The following LAMA5 variants were observed in gnomAD, a reference collection of about 807,000 sequenced individuals.
LAMA5 encodes laminin subunit alpha-5.
A neutral mutation model predicts 433.4 loss-of-function variants in LAMA5; 260 were observed. The ratio of observed to expected loss-of-function variants is 0.60; its 90% CI spans 0.54 to 0.66. LAMA5 has a LOEUF of 0.66. Ranked by LOEUF, LAMA5 falls within the 30% of genes least tolerant of loss-of-function variation. The pLI, the probability that LAMA5 is intolerant of heterozygous loss-of-function variation, is 0.00. For missense variants in LAMA5, 5,378 were observed against 5,258.5 expected, an observed-to-expected ratio of 1.02 and a Z score of -0.70; for synonymous variants, 2,620 against 2,226.6, an observed-to-expected ratio of 1.18 and a Z score of -4.97.
chr20:62,337,712 G>A lies in LAMA5; in HGVS notation c.2042C>T (p.Ala681Val). ...ACAGGCTGCGTGCAGGGAGCCTTCA[G>A]CAGAGCAGTGGCAGGCTGCAGACAA... ...FPSCVPCHCS[A>V]EGSLHAACDP... is the part of the protein sequence containing the mutation. The change falls in exon 16 of 80, where the codon GCT becomes GTT. Residue 681 changes from alanine to valine, a missense_variant. Transcript: ENST00000252999. 1 of 1,610,216 alleles carries A rather than the reference G, an allele frequency of 6.2e-7. No homozygotes were observed. Among genetic ancestry groups the A allele is most frequent in the South Asian group, 1.1e-5 (1 of 90,794 alleles).
intron 51 of LAMA5, 25 bp downstream of exon 51, chr20:62,319,659 T>G: frequency 1.3e-6 from 2 of 1,503,660 alleles, no homozygotes; most frequent in East Asian, 4.9e-5. Flanking sequence ...CTCTGAGCCC[T>G]GAGCCTGGCT....
At position 62,333,174 on chromosome 20, in the gene LAMA5, G is replaced by A; in HGVS notation, c.3198C>T (p.Arg1066=). 2 of 1,519,380 alleles carry A rather than the reference G, an allele frequency of 1.3e-6. No homozygotes were observed. The highest frequency in any genetic ancestry group is 1.8e-6 in the Non-Finnish European group (2 of 1,134,794). 94.1% of individuals were successfully genotyped at this position (1,519,380 alleles called of 1,614,324 possible). A position where few individuals can be genotyped will look rare whatever the true frequency, so the allele number is the denominator to read the frequency against. ...AGGGCCGGGGCAGGCTGTTGTCCTG[G>A]CGACACAGGGCCTCCAGCCCGGCGG... ...PSAAGLEALC[R]QDNSLPRPCP... is the part of the protein sequence containing the mutation. The change falls in exon 26 of 80, where the codon CGC becomes CGT. Residue 1066 remains arginine, a synonymous_variant. Transcript: ENST00000252999.
At chr20:62,335,150 A>G (rs201389739) in intron 19 of LAMA5, 24 bp from the exon 20 acceptor site, 1 of 1,612,516 alleles carries the variant, frequency 6.2e-7, no homozygotes, top group Non-Finnish European at 8.5e-7. Context: ...GAGGAGGTGA[A>G]GTGGGGCAGG....
chr20:62,364,903 C>A (rs1260139100), intron 1 of LAMA5, among the ~76,000 whole-genome samples: 1 of 152,278 alleles, frequency 6.6e-6, no homozygotes, highest in Non-Finnish European at 1.5e-5. Flanking sequence ...TCAGATGGAG[C>A]TGCGGCTTCA....
In LAMA5 at chr20:62,309,126, TCA is replaced by T. The variant is rs1306869270; in HGVS notation, c.*208_*209del. ...CCAGTGATGATTGGTGACAAATCTC[TCA>T]CAATTAAAAATGGGTGGAAGGGCCA... is the stretch of plus-strand genomic sequence containing the variant. On this transcript the variant is annotated 3_prime_UTR_variant, in exon 80 of 80. Transcript: ENST00000252999. 1 of 621,008 alleles carries T rather than the reference TCA, an allele frequency of 1.6e-6. No homozygotes were observed. The highest frequency in any genetic ancestry group is 2.3e-5 in the South Asian group (1 of 42,872). The allele number at this position is 621,008 out of a possible 1,614,324, so 38.5% of individuals were successfully genotyped here.
chr20:62,349,393 A>T (rs1045659180), intron 6 of LAMA5, among the ~76,000 whole-genome samples: 5 of 151,856 alleles, frequency 3.3e-5, no homozygotes, highest in African/African-American at 1.2e-4. Context: ...CCTGGAGAAG[A>T]AGATGACCCA....
chr20:62,317,810 G>T, intron 53 of LAMA5, 32 bp from the exon 54 acceptor site: 1 of 1,318,746 alleles, frequency 7.6e-7, no homozygotes, highest in South Asian at 1.3e-5. Context: ...TGGGGACAAT[G>T]AGGGGTAAGA....
At position 62,332,376 on chromosome 20, in the gene LAMA5, A is replaced by G. The variant is rs770903336; in HGVS notation, c.3548T>C (p.Phe1183Ser). 8.1e-6 allele frequency: 13 copies of G among 1,610,678 alleles called. No homozygotes were observed. The Admixed American group carries it at 1.8e-4, about 23-fold the overall frequency. The stretch of plus-strand genomic sequence containing the variant: ...GGGGACCTGAGGGGTCCTTACCAGG[A>G]AGAAGCGTGCCTGTTCGGCTGTGAG... ...VRLTAEQARF[F>S]LHGVTLVPIE... The change falls in exon 28 of 80, where the codon TTC (phenylalanine) becomes TCC (serine). Residue 1183 changes from phenylalanine (F) to serine (S), a missense_variant. Physicochemically the swap from Phe to Ser is radical, Grantham distance 155. Coordinates refer to ENST00000252999, the MANE Select transcript of LAMA5 (RefSeq NM_005560.6).
In LAMA5 at chr20:62,326,400, G is replaced by A. The variant is rs957817478; in HGVS notation, c.5298+277C>T. 2.2e-5 allele frequency: 9 copies of A among 417,974 alleles called. No individual in the cohort carries two copies. The Admixed American group carries it at 2.4e-4, about 11-fold the overall frequency. 25.9% of individuals were successfully genotyped at this position (417,974 alleles called of 1,614,324 possible). A position where few individuals can be genotyped will look rare whatever the true frequency, so the allele number is the denominator to read the frequency against. On this transcript the variant is annotated intron_variant, in intron 40 of 79. Transcript: ENST00000252999. ...TGGGCAAAAGATGCTAACAGGCAGT[G>A]CATGGAGGAAGCCAACAGCTACTGA...
rs773872706 is a variant in LAMA5, at chr20:62,338,340, C to T, written c.1648G>A (p.Asp550Asn). 2.2e-5 allele frequency: 35 copies of T among 1,608,538 alleles called. No individual in the cohort carries two copies. Among genetic ancestry groups the T allele is most frequent in the Middle Eastern group, 1.7e-4 (1 of 6,038 alleles). The change falls in exon 13 of 80, where the codon GAT becomes AAT. Residue 550 changes from aspartate (D) to asparagine (N), a missense_variant. Physicochemically the swap from Asp to Asn is conservative, Grantham distance 23. Coordinates refer to ENST00000252999, the MANE Select transcript of LAMA5 (RefSeq NM_005560.6). ...CCTGTGTCAGGGTCACAGCGGTCAT[C>T]GGCCACTCCAGGGCTGGAACACTGG... ...PCQCSSPGVADDRCDPDTGQC... is the reference protein window; with the variant it reads ...PCQCSSPGVANDRCDPDTGQC...
Position 62,336,370 on chromosome 20 carries a change from G to A in LAMA5, c.2293C>T (p.Leu765=). The change falls in exon 18 of 80, where the codon CTG becomes TTG. Residue 765 remains leucine (L), a synonymous_variant. Transcript: ENST00000252999. ...CAGCCCTCGGGGTTGCTGGGGCTCA[G>A]TCCCCAGAACCCAGGTTTGCAGCGG... is the stretch of plus-strand genomic sequence containing the variant. The part of the protein sequence containing the change: ...CDRCKPGFWG[L]SPSNPEGCTR... The A allele has an allele frequency of 3.1e-6, 5 of 1,612,250 alleles. No homozygotes were observed. The highest frequency in any genetic ancestry group is 4.2e-6 in the Non-Finnish European group (5 of 1,179,568).
Position 62,329,855 on chromosome 20 carries a change from C to T in LAMA5, c.4041G>A (p.Glu1347=), listed in dbSNP as rs1206442715. ...GGGTCACGTCCAGCAGGGCCTGGCC[C>T]TCACACACCACCAGGGTGCGGCAGC... The part of the protein sequence containing the change: ...GYGCRTLVVC[E]GQALLDVTHS... Residue 1347 remains glutamate (E), a synonymous_variant, in exon 32 of 80, where the codon GAG becomes GAA. Transcript: ENST00000252999. The T allele has an allele frequency of 6.2e-7, 1 of 1,612,408 alleles. No individual in the cohort carries two copies. Among genetic ancestry groups the T allele is most frequent in the Non-Finnish European group, 8.5e-7 (1 of 1,179,896 alleles).
rs1354749816 is a variant in LAMA5, at chr20:62,317,651, G to A, written c.7356+11C>T. On this transcript the variant is annotated intron_variant, in intron 54 of 79. Transcript: ENST00000252999. ...GATGGGGTGGCGACAGGGGCCAGGG[G>A]CTGCACTCACCTCCTTAGCCTGGTC... 3 of 1,559,400 alleles carry A rather than the reference G, an allele frequency of 1.9e-6. No homozygotes were observed. Among genetic ancestry groups the A allele is most frequent in the African/African-American group, 1.4e-5 (1 of 73,496 alleles).
At chr20:62,351,655 G>T in intron 6 of LAMA5, 49 bp downstream of exon 6, 2 of 1,563,756 alleles carry the variant, frequency 1.3e-6, no homozygotes, top group Non-Finnish European at 8.7e-7. Context: ...CAGGCAGGGA[G>T]CTGGGGGGGG....
chr20:62,310,032 G>T lies in LAMA5; in HGVS notation c.10784C>A (p.Thr3595Asn). The T allele has an allele frequency of 6.2e-7, 1 of 1,611,346 alleles. No individual in the cohort carries two copies. ...DGAGEFSTSV[T>N]RPSVLCDGQW... ...GCCATCACACAGCACTGAGGGGCGGGTCACTGACGTGGAGAACTCCCCTGC... is the reference window on the plus strand; with the variant it reads ...GCCATCACACAGCACTGAGGGGCGGTTCACTGACGTGGAGAACTCCCCTGC... The change falls in exon 78 of 80, where the codon ACC becomes AAC. Residue 3595 changes from threonine (T) to asparagine (N), a missense_variant. Transcript: ENST00000252999.
chr20:62,312,888 C>T lies in LAMA5; in HGVS notation c.9078G>A (p.Ala3026=), dbSNP rs191218258. 2 of 1,588,630 alleles carry T rather than the reference C, an allele frequency of 1.3e-6. No homozygotes were observed. The highest frequency in any genetic ancestry group is 1.3e-5 in the African/African-American group (1 of 74,536). Residue 3026 remains alanine, a splice_region_variant and synonymous_variant, in exon 66 of 80, where the codon GCG becomes GCA. Transcript: ENST00000252999. ...PPPPLTSASK[A]IQVFLLGGSR... ...ACCCTGGTCCCCACCCTGGCCCTAC[C>T]GCCTTGCTGGCCGAGGTCAGGGGCG...
At chr20:62,342,666 G>A (rs964151970) in intron 11 of LAMA5, among the ~76,000 whole-genome samples, 11 of 151,788 alleles carry the variant, frequency 7.2e-5, no homozygotes, top group Non-Finnish European at 8.8e-5. Flanking sequence ...GCGACAGAGC[G>A]AGACTCCGTC....
chr20:62,351,567 A>C (rs913996970), intron 6 of LAMA5, 137 bp downstream of exon 6: 37 of 766,228 alleles, frequency 4.8e-5, no homozygotes, highest in Non-Finnish European at 7.4e-5. Flanking sequence ...TGGTCAGTGC[A>C]GGTCACACAG....
chr20:62,346,857 C>A, intron 7 of LAMA5, 56 bp downstream of exon 7: 1 of 1,607,466 alleles, frequency 6.2e-7, no homozygotes, highest in Non-Finnish European at 8.5e-7. Flanking sequence ...GGCACCGGGG[C>A]CCTCTCATGG....
Sources: allele counts gnomAD v4.1 joint callset (sites outside exome capture counted in the v4.1 genomes callset), GRCh38; gene constraint gnomAD v4.1.1; transcripts MANE v1.5; gene names NCBI Gene and HGNC (gene_info 2026-07-23, HGNC 2026-07-21).